The following CARS1 variants were observed in gnomAD, a reference collection of about 807,000 sequenced individuals.
CARS1 encodes cysteine--tRNA ligase, cytoplasmic.
In CARS1, 48 loss-of-function variants were observed where a neutral mutation model predicts 106.2. The observed-to-expected ratio is 0.45, with a 90% CI of 0.36 to 0.57. CARS1 has a LOEUF of 0.57. Ranked by LOEUF, CARS1 falls within the 20% of genes least tolerant of loss-of-function variation. The pLI is 0.00. For missense variants in CARS1, 968 were observed against 1,057.2 expected (o/e 0.92, Z 1.17); for synonymous variants, 409 against 403.4 (o/e 1.01, Z -0.17).
chr11:3,012,414 C>T, intron 17 of CARS1, 138 bp from the exon 18 acceptor site: 1 of 716,326 alleles, frequency 1.4e-6, no homozygotes, highest in South Asian at 1.6e-5. Flanking sequence ...CTGTGACCGG[C>T]ATCCCAGAGC....
In CARS1 at chr11:3,017,221, A is replaced by C. The variant is rs756704750; in HGVS notation, c.1802T>G (p.Met601Arg). The C allele has an allele frequency of 5.0e-6, 8 of 1,614,088 alleles. No individual in the cohort carries two copies. Among genetic ancestry groups the C allele is most frequent in the Non-Finnish European group, 6.8e-6 (8 of 1,180,036 alleles). The change falls in exon 16 of 23, where the codon ATG (methionine) becomes AGG (arginine). Residue 601 changes from methionine to arginine, a missense_variant. By Grantham distance (91) the Met-to-Arg change is moderately conservative. Coordinates refer to ENST00000380525, the MANE Select transcript of CARS1 (RefSeq NM_001014437.3). The surrounding 1 kb of genome is among the most constrained non-coding windows in gnomAD (Gnocchi z 4.9). ...GTTGCACTGACTGACCAAGGCCCGC[A>C]TCTCTTCCATGACGGTGCGGGTGTC... ...NVDTRTVMEE[M>R]RALVSQCNLY...
rs7482625 is a variant in CARS1 at position 3,028,227 on chromosome 11, A to G, written c.1031+769T>C. 0.82 allele frequency: 304,603 copies of G among 373,504 alleles called. 124,698 individuals are homozygous for G. The highest frequency in any genetic ancestry group is 0.87 in the Admixed American group (22,415 of 25,710). 23.1% of individuals were successfully genotyped at this position (373,504 alleles called of 1,614,324 possible). On this transcript the variant is annotated intron_variant, in intron 9 of 22. Coordinates refer to ENST00000380525, the MANE Select transcript of CARS1 (RefSeq NM_001014437.3). The surrounding 1 kb of genome is among the most constrained non-coding windows in gnomAD (Gnocchi z 4.4). ...ACCCACGTGGCCTTACCTATCATTG[A>G]AGATGGCTCACTCTCCTTAACCTAC...
At chr11:3,001,408 T>G (rs1167247649) in intron 22 of CARS1, among the ~76,000 whole-genome samples, 160 bp from the exon 23 acceptor site, 1 of 152,068 alleles carries the variant, frequency 6.6e-6, no homozygotes. Context: ...GCCAGCACAC[T>G]CATCTGGCAG....
In CARS1 at chr11:3,037,894, C is replaced by T. The variant is rs189651410; in HGVS notation, c.801+156G>A. Among the ~76,000 whole-genome samples the T allele has an allele frequency of 5.4e-3, 819 of 152,256 alleles. 8 individuals carry two copies. The highest frequency in any genetic ancestry group is 0.024 in the Middle Eastern group (7 of 294). On this transcript the variant is annotated intron_variant, in intron 7 of 22. Coordinates refer to ENST00000380525, the MANE Select transcript of CARS1 (RefSeq NM_001014437.3). The surrounding 1 kb of genome is among the most constrained non-coding windows in gnomAD (Gnocchi z 5.9). Reference sequence around the variant, plus strand: ...AGGGGAGGGGCACTGACTCAGCCACCGCAGAACAGGGCCGCCTGCCACAGT... The same window carrying T: ...AGGGGAGGGGCACTGACTCAGCCACTGCAGAACAGGGCCGCCTGCCACAGT...
At position 3,052,966 on chromosome 11, in the gene CARS1, C is replaced by T. The variant is rs1363233755; in HGVS notation, c.25+4377G>A. ...GAATGTCCACCACCGGATGACCTTG[C>T]AGTTCAGTTCATCAACACATTGAGG... On this transcript the variant is annotated intron_variant, in intron 1 of 22. Coordinates refer to ENST00000380525, the MANE Select transcript of CARS1 (RefSeq NM_001014437.3). This position sits in a 1 kb window ranked among gnomAD's most constrained non-coding sequence, Gnocchi z 4.6. Among the ~76,000 whole-genome samples the T allele has an allele frequency of 2.6e-5, 4 of 152,242 alleles. No individual in the cohort carries two copies. Among genetic ancestry groups the T allele is most frequent in the Non-Finnish European group, 4.4e-5 (3 of 68,046 alleles).
At chr11:3,051,920 G>A (rs1373216342) in intron 1 of CARS1, among the ~76,000 whole-genome samples, 1 of 152,226 alleles carries the variant, frequency 6.6e-6, no homozygotes, top group East Asian at 1.9e-4. Flanking sequence ...TTCCAGCTGA[G>A]ACAGCGAGCT....
At chr11:3,010,995 A>C (rs530355658) in intron 18 of CARS1, among the ~76,000 whole-genome samples, 11 of 152,204 alleles carry the variant, frequency 7.2e-5, no homozygotes, top group Non-Finnish European at 1.3e-4. Flanking sequence ...GAGAATTAGC[A>C]CAGCAGGTGA....
chr11:3,042,436 T>G (rs1301286349), intron 2 of CARS1, 180 bp from the exon 3 acceptor site: 2 of 569,466 alleles, frequency 3.5e-6, no homozygotes, highest in African/African-American at 1.9e-5. Flanking sequence ...GCGTCTTTTT[T>G]TTTTTTTAGA....
intron 7 of CARS1, chr11:3,031,618 C>G (rs919032238): frequency 2.6e-4 from 39 of 152,238 alleles, no homozygotes; most frequent in African/African-American, 9.4e-4. Flanking sequence ...CTTCTTAGAT[C>G]CATAAGAGAA....
chr11:3,016,337 C>T (rs931261159), intron 16 of CARS1, among the ~76,000 whole-genome samples: 3 of 151,896 alleles, frequency 2.0e-5, no homozygotes, highest in African/African-American at 7.3e-5. Flanking sequence ...TCTCCTGCCT[C>T]AGCCTCCCGA....
Position 3,048,271 on chromosome 11 carries a change from C to A in CARS1, c.26-270G>T. 2.4e-6 allele frequency: 1 copy of A among 408,788 alleles called. No homozygotes were observed. The highest frequency in any genetic ancestry group is 3.9e-5 in the East Asian group (1 of 25,918). The allele number at this position is 408,788 out of a possible 1,614,324, so 25.3% of individuals were successfully genotyped here. On this transcript the variant is annotated intron_variant, in intron 1 of 22. Transcript: ENST00000380525. This position sits in a 1 kb window ranked among gnomAD's most constrained non-coding sequence, Gnocchi z 5.1. ...AGAAATGAAGGCTGCATGACAACAT[C>A]ATGCGCCAAATACCACAGAATTGTG...
intron 16 of CARS1, among the ~76,000 whole-genome samples, chr11:3,016,394 G>T (rs1280484014): frequency 6.6e-6 from 1 of 151,710 alleles, no homozygotes; most frequent in Admixed American, 6.6e-5. Flanking sequence ...CTAGTTTTTT[G>T]TATTTTTTTT....
chr11:3,041,148 C>T lies in CARS1; in HGVS notation c.367-164G>A. On this transcript the variant is annotated intron_variant, in intron 3 of 22. Transcript: ENST00000380525. This position sits in a 1 kb window ranked among gnomAD's most constrained non-coding sequence, Gnocchi z 4.9. ...GAAAAGTCACAGTCTCAGTGGGAGC[C>T]CAGTGAGATGTACGGCACCTCCCAC... The T allele has an allele frequency of 8.9e-7, 1 of 1,129,316 alleles. No individual in the cohort carries two copies. The highest frequency in any genetic ancestry group is 1.5e-5 in the South Asian group (1 of 64,630). The allele number at this position is 1,129,316 out of a possible 1,614,324, so 70.0% of individuals were successfully genotyped here.
chr11:3,015,790 G>A lies in CARS1; in HGVS notation c.1977C>T (p.Thr659=), dbSNP rs139930930. 12 of 1,614,020 alleles carry A rather than the reference G, an allele frequency of 7.4e-6. No homozygotes were observed. The highest frequency in any genetic ancestry group is 1.0e-5 in the Non-Finnish European group (12 of 1,179,972). ...SLGFPVGGPG[T]SLSLEATVMP... is the part of the protein sequence containing the mutation. ...CCTGCATGCTACTCACACTGAGGCT[G>A]GTTCCAGGCCCTCCGACCGGGAATC... Residue 659 remains threonine (T), a synonymous_variant, in exon 17 of 23, where the codon ACC becomes ACT. Transcript: ENST00000380525.
At chr11:3,027,831 A>G (rs879298701) in intron 9 of CARS1, 3 of 454,668 alleles carry the variant, frequency 6.6e-6, no homozygotes, top group Non-Finnish European at 1.3e-5. Context: ...CGGTAGCGTA[A>G]GTGTCAAGGA....
chr11:3,037,943 T>G lies in CARS1; in HGVS notation c.801+107A>C. On this transcript the variant is annotated intron_variant, in intron 7 of 22. Transcript: ENST00000380525. This position sits in a 1 kb window ranked among gnomAD's most constrained non-coding sequence, Gnocchi z 5.9. ...GTGGAGCTACTGGAGACACAGAGTG[T>G]CTTCCACTAAGACAATCTGTGGAAT... The G allele has an allele frequency of 8.6e-7, 1 of 1,157,618 alleles. No homozygotes were observed. Among genetic ancestry groups the G allele is most frequent in the Non-Finnish European group, 1.2e-6 (1 of 816,786 alleles). 71.7% of individuals were successfully genotyped at this position (1,157,618 alleles called of 1,614,324 possible). A position where few individuals can be genotyped will look rare whatever the true frequency, so the allele number is the denominator to read the frequency against.
At position 3,006,964 on chromosome 11, in the gene CARS1, A is replaced by G. The variant is rs978506195; in HGVS notation, c.2069-5T>C. 5.0e-6 allele frequency: 8 copies of G among 1,612,662 alleles called. No homozygotes were observed. The African/African-American group carries it at 1.1e-4, about 22-fold the overall frequency. ...TGAGCTGCAGAATCTCAGGGACTGTAGGAGAAGCAGAGCAGTTCCCTCAGA... is the reference window on the plus strand; with the variant it reads ...TGAGCTGCAGAATCTCAGGGACTGTGGGAGAAGCAGAGCAGTTCCCTCAGA... On this transcript the variant is annotated splice_region_variant and splice_polypyrimidine_tract_variant and intron_variant, in intron 18 of 22. Coordinates refer to ENST00000380525, the MANE Select transcript of CARS1 (RefSeq NM_001014437.3).
rs979542716 is a variant in CARS1, at chr11:3,020,262, G to C, written c.1224C>G (p.Ala408=). 3 of 1,613,560 alleles carry C rather than the reference G, an allele frequency of 1.9e-6. No individual in the cohort carries two copies. The African/African-American group carries it at 4.0e-5, about 22-fold the overall frequency. The change falls in exon 11 of 23, where the codon GCC becomes GCG. Residue 408 remains alanine (A), a synonymous_variant. Transcript: ENST00000380525. This position sits in a 1 kb window ranked among gnomAD's most constrained non-coding sequence, Gnocchi z 4.6. The part of the protein sequence containing the change: ...RSPNDFALWK[A]SKPGEPSWPC... Reference sequence around the variant, plus strand: ...GCCAGGACGGTTCTCCGGGCTTAGAGGCCTTCCATAAGGCAAAGTCGTTGG... The same window carrying C: ...GCCAGGACGGTTCTCCGGGCTTAGACGCCTTCCATAAGGCAAAGTCGTTGG...
chr11:3,015,600 C>T (rs1459550627), intron 17 of CARS1, among the ~76,000 whole-genome samples, 181 bp downstream of exon 17: 1 of 152,196 alleles, frequency 6.6e-6, no homozygotes, highest in Non-Finnish European at 1.5e-5. Flanking sequence ...CCCTCCACAC[C>T]GGCAGGGCAG....
Sources: gnomAD v4.1 joint callset for allele counts (sites outside exome capture counted in the v4.1 genomes callset) on GRCh38, gnomAD v4.1.1 for gene constraint, Gnocchi (gnomAD v3.1) non-coding constraint, MANE v1.5 for transcripts, NCBI Gene and HGNC (gene_info 2026-07-23, HGNC 2026-07-21) for gene names.